Variants in SLC12A1 observed in about 807,000 individuals in gnomAD.
SLC12A1 encodes solute carrier family 12 member 1.
In SLC12A1, 89 loss-of-function variants were observed where a neutral mutation model predicts 130.4. The ratio of observed to expected loss-of-function variants is 0.68; its 90% CI spans 0.58 to 0.81. The LOEUF is 0.81. SLC12A1 is among the 40% of genes least tolerant of loss of function. The probability of loss-of-function intolerance (pLI) is 0.00; values close to 1 mark genes in which losing one functional copy is unlikely to be tolerated. For missense variants in SLC12A1, 1,310 were observed against 1,336.4 expected (o/e 0.98, Z 0.31); for synonymous variants, 499 against 460.0 (o/e 1.08, Z -1.09).
chr15:48,282,504 A>C (rs2141107649), intron 20 of SLC12A1, among the ~76,000 whole-genome samples: 1 of 152,306 alleles, frequency 6.6e-6, no homozygotes, highest in South Asian at 2.1e-4. Flanking sequence ...AAAAAAGAAA[A>C]GAGAAGAATC....
At chr15:48,250,672 TG>T (rs2041636523) in intron 14 of SLC12A1, among the ~76,000 whole-genome samples, 4 of 42,016 alleles carry the variant, frequency 9.5e-5, no homozygotes, top group African/African-American at 2.6e-4. Context: ...AGAAAATGTC[TG>T]CCTCACACAC....
intron 26 of SLC12A1, among the ~76,000 whole-genome samples, chr15:48,302,124 A>T (rs1336323020): frequency 6.6e-6 from 1 of 152,158 alleles, no homozygotes; most frequent in Admixed American, 6.5e-5. Flanking sequence ...TTATTTGAAA[A>T]ATCATTTACA....
intron 20 of SLC12A1, among the ~76,000 whole-genome samples, chr15:48,277,694 G>GA (rs1396054648): frequency 6.6e-6 from 1 of 152,106 alleles, no homozygotes; most frequent in Non-Finnish European, 1.5e-5. Context: ...TCAGCAGACA[G>GA]AAAAAAGAAT....
chr15:48,238,843 A>T (rs186321432), intron 9 of SLC12A1, among the ~76,000 whole-genome samples: 3 of 152,268 alleles, frequency 2.0e-5, no homozygotes, highest in Admixed American at 1.3e-4. Flanking sequence ...AGAACCTTAC[A>T]TTTGCTAATA....
intron 7 of SLC12A1, 55 bp from the exon 8 acceptor site, chr15:48,232,672 T>A (rs1308129609): frequency 1.9e-6 from 2 of 1,067,534 alleles, no homozygotes; most frequent in Non-Finnish European, 2.9e-6. Context: ...TTTATAATTA[T>A]GTAAAAAGTT....
chr15:48,227,206 C>T (rs1034327601), intron 5 of SLC12A1: 1 of 1,335,698 alleles, frequency 7.5e-7, no homozygotes, highest in Admixed American at 2.0e-5. Flanking sequence ...TGACTAGAGG[C>T]TTGGTTACTA....
chr15:48,229,518 T>C (rs1346947536), intron 6 of SLC12A1, among the ~76,000 whole-genome samples, 190 bp downstream of exon 6: 2 of 152,200 alleles, frequency 1.3e-5, no homozygotes, highest in African/African-American at 4.8e-5. Flanking sequence ...CCAAGAAAGT[T>C]TGGATTAGTT....
chr15:48,278,866 A>G (rs1007273651), intron 20 of SLC12A1, among the ~76,000 whole-genome samples: 1 of 152,202 alleles, frequency 6.6e-6, no homozygotes, highest in African/African-American at 2.4e-5. Flanking sequence ...TGCACCATCA[A>G]TTTACTTCTA....
chr15:48,292,040 G>A (rs980369810), intron 24 of SLC12A1, among the ~76,000 whole-genome samples, 176 bp downstream of exon 24: 3 of 152,218 alleles, frequency 2.0e-5, no homozygotes, highest in African/African-American at 7.2e-5. Flanking sequence ...ATTCTAAAGG[G>A]AAGGAAAGCT....
At chr15:48,297,908 C>T (rs2042194732) in intron 24 of SLC12A1, among the ~76,000 whole-genome samples, 1 of 152,198 alleles carries the variant, frequency 6.6e-6, no homozygotes, top group South Asian at 2.1e-4. Flanking sequence ...AGGCACGACA[C>T]TGTTGAAATA....
intron 8 of SLC12A1, among the ~76,000 whole-genome samples, chr15:48,233,134 G>C (rs2041400749): frequency 1.3e-5 from 2 of 152,172 alleles, no homozygotes; most frequent in African/African-American, 4.8e-5. Context: ...AAAATGGATA[G>C]TACATTTCTC....
rs35496769 is a variant in SLC12A1 at position 48,291,862 on chromosome 15, G to A, written c.2958G>A (p.Glu986=). 2 of 1,547,176 alleles carry A rather than the reference G, an allele frequency of 1.3e-6. No individual in the cohort carries two copies. The highest frequency in any genetic ancestry group is 2.7e-5 in the African/African-American group (2 of 73,536). Residue 986 remains glutamate (E), a splice_region_variant and synonymous_variant, in exon 24 of 27, where the codon GAG becomes GAA. Coordinates refer to ENST00000380993, the MANE Select transcript of SLC12A1 (RefSeq NM_000338.3). Reference sequence around the variant, plus strand: ...ACATCAACATTAGGCCAAACAAAGAGAGGTATGAAATATTTAACAAGAGAC... The same window carrying A: ...ACATCAACATTAGGCCAAACAAAGAAAGGTATGAAATATTTAACAAGAGAC... ...IGDINIRPNK[E]SWKVFEEMIE...
intron 1 of SLC12A1, among the ~76,000 whole-genome samples, chr15:48,207,304 G>A (rs2040993622): frequency 6.6e-6 from 1 of 152,122 alleles, no homozygotes; most frequent in African/African-American, 2.4e-5. Flanking sequence ...TACAAACACA[G>A]GTAACATTTT....
At chr15:48,213,427 G>A (rs2041078857) in intron 2 of SLC12A1, among the ~76,000 whole-genome samples, 1 of 151,828 alleles carries the variant, frequency 6.6e-6, no homozygotes, top group Non-Finnish European at 1.5e-5. Flanking sequence ...ACCATCAAAA[G>A]CATTTATTAA....
At chr15:48,293,722 G>A (rs1258386722) in intron 24 of SLC12A1, among the ~76,000 whole-genome samples, 1 of 152,152 alleles carries the variant, frequency 6.6e-6, no homozygotes, top group Non-Finnish European at 1.5e-5. Context: ...ATCCTTCCAA[G>A]GAGATGGGTC....
intron 13 of SLC12A1, among the ~76,000 whole-genome samples, 163 bp downstream of exon 13, chr15:48,247,623 T>C (rs995755765): frequency 6.6e-6 from 1 of 152,152 alleles, no homozygotes; most frequent in African/African-American, 2.4e-5. Flanking sequence ...GTAGAGGGCC[T>C]TTGAGGAACT....
chr15:48,288,478 G>A lies in SLC12A1; in HGVS notation c.2835G>A (p.Val945=). The A allele has an allele frequency of 1.3e-6, 2 of 1,552,722 alleles. No homozygotes were observed. Among genetic ancestry groups the A allele is most frequent in the Non-Finnish European group, 1.7e-6 (2 of 1,145,094 alleles). The change falls in exon 23 of 27, where the codon GTG becomes GTA. Residue 945 remains valine, a synonymous_variant. Transcript: ENST00000380993. The part of the protein sequence containing the change: ...KWKDCKLRIY[V]GGKINRIEEE... ...AAGACTGTAAATTAAGAATCTATGT[G>A]GGAGGGAAGATCAACCGCATTGAAG...
At position 48,228,571 on chromosome 15, in the gene SLC12A1, T is replaced by TTTTGTATATATATG. The variant is rs2041323856; in HGVS notation, c.725-614_725-601dup. On this transcript the variant is annotated intron_variant, in intron 5 of 26. Transcript: ENST00000380993. ...AATTTTACGTATGTACCTATATATGTTTTGTATATATATGTTTATATATAT... is the reference window on the plus strand; with the variant it reads ...AATTTTACGTATGTACCTATATATGTTTTGTATATATATGTTTGTATATATATGTTTATATATAT... The TTTTGTATATATATG allele has an allele frequency of 3.7e-5, 7 of 189,412 alleles. No homozygotes were observed. The South Asian group carries it at 6.1e-4, about 17-fold the overall frequency. The allele number at this position is 189,412 out of a possible 1,614,324, so 11.7% of individuals were successfully genotyped here.
intron 2 of SLC12A1, 63 bp downstream of exon 2, chr15:48,208,202 C>A (rs1482854161): frequency 6.9e-7 from 1 of 1,443,514 alleles, no homozygotes; most frequent in African/African-American, 1.4e-5. Context: ...ATTTCCTTCT[C>A]TTTCATTACA....
Sources: gnomAD v4.1 joint callset for allele counts (sites outside exome capture counted in the v4.1 genomes callset) on GRCh38, gnomAD v4.1.1 for gene constraint, MANE v1.5 for transcripts, NCBI Gene and HGNC (gene_info 2026-07-23, HGNC 2026-07-21) for gene names.